SLC24A2: variants seen among roughly 807,000 people sequenced by gnomAD.
SLC24A2 encodes the protein sodium/potassium/calcium exchanger 2.
Under a neutral mutation model 62.0 loss-of-function variants are expected in SLC24A2, and 36 were observed. The ratio of observed to expected loss-of-function variants is 0.58; its 90% confidence interval spans 0.44 to 0.77. The LOEUF (loss-of-function observed/expected upper bound fraction) is 0.77, where lower values mean the gene tolerates loss of function less well. Ranked by LOEUF, SLC24A2 falls within the 30% of genes least tolerant of loss-of-function variation. SLC24A2 has a pLI of 0.00. For synonymous variants in SLC24A2, 358 were observed against 294.0 expected (o/e 1.22, Z -2.23); for missense variants, 846 against 817.9 (o/e 1.03, Z -0.42).
At chr9:19,867,737 GT>G in the SLC24A2 span, among the ~76,000 whole-genome samples, 3 of 151,984 alleles carry the variant, frequency 2.0e-5, no homozygotes, top group Non-Finnish European at 4.4e-5. Context: ...GTGAAACCCC[GT>G]CTCTACTAAA....
At chr9:19,803,208 T>C in the SLC24A2 span, among the ~76,000 whole-genome samples, 4 of 152,218 alleles carry the variant, frequency 2.6e-5, no homozygotes, top group Non-Finnish European at 5.9e-5. Flanking sequence ...TAAGAAGATA[T>C]GTACTGAAAT....
At chr9:19,833,886 G>A in the SLC24A2 span, among the ~76,000 whole-genome samples, 2 of 152,200 alleles carry the variant, frequency 1.3e-5, no homozygotes, top group African/African-American at 4.8e-5. Context: ...AACTTCCAGA[G>A]GAACAATCAG....
chr9:19,757,713 T>C (rs1169542889), intron 2 of SLC24A2, among the ~76,000 whole-genome samples: 1 of 152,182 alleles, frequency 6.6e-6, no homozygotes, highest in African/African-American at 2.4e-5. Flanking sequence ...TTCACCAAAA[T>C]TCACGTTGAA....
At chr9:19,875,494 C>T in the SLC24A2 span, among the ~76,000 whole-genome samples, 93 of 152,268 alleles carry the variant, frequency 6.1e-4, no homozygotes, top group Admixed American at 4.7e-3. Context: ...ATCAAAGCAT[C>T]AACCCAGATG....
intron 2 of SLC24A2, among the ~76,000 whole-genome samples, chr9:19,714,544 C>G (rs926084363): frequency 1.3e-5 from 2 of 152,208 alleles, no homozygotes; most frequent in African/African-American, 4.8e-5. Flanking sequence ...TACAGTCAGC[C>G]ATTTTGGCAA....
At chr9:19,696,000 C>G (rs1251387319) in intron 2 of SLC24A2, among the ~76,000 whole-genome samples, 2 of 152,116 alleles carry the variant, frequency 1.3e-5, no homozygotes, top group African/African-American at 4.8e-5. Flanking sequence ...CAGTCTGTGG[C>G]CTGTTAAGAA....
the SLC24A2 span, among the ~76,000 whole-genome samples, chr9:19,977,588 G>A: frequency 7.9e-4 from 120 of 152,276 alleles, no homozygotes; most frequent in Non-Finnish European, 1.5e-4. Flanking sequence ...ACTTGGGCGT[G>A]ACTTGCTGAA....
At chr9:20,206,744 G>A in the SLC24A2 span, among the ~76,000 whole-genome samples, 5 of 152,026 alleles carry the variant, frequency 3.3e-5, no homozygotes, top group Admixed American at 6.6e-5. Flanking sequence ...CTCCCAAAGT[G>A]CTGGGATTAC....
the SLC24A2 span, among the ~76,000 whole-genome samples, chr9:20,062,768 C>A: frequency 7.9e-6 from 1 of 126,900 alleles, no homozygotes; most frequent in Non-Finnish European, 1.6e-5. Flanking sequence ...TATCCAGAAT[C>A]TACAATGAAC....
chr9:19,792,596 T>C (rs1013472397), upstream of SLC24A2, among the ~76,000 whole-genome samples: 2 of 144,988 alleles, frequency 1.4e-5, no homozygotes, highest in Non-Finnish European at 3.0e-5. Flanking sequence ...TAATCCCAGC[T>C]ACTTGGGAGG....
the SLC24A2 span, among the ~76,000 whole-genome samples, chr9:20,250,528 A>G: frequency 6.6e-6 from 1 of 152,194 alleles, no homozygotes; most frequent in African/African-American, 2.4e-5. Context: ...CTAGACCTTG[A>G]AGAATGAAAA....
At chr9:19,993,034 T>C in the SLC24A2 span, among the ~76,000 whole-genome samples, 3 of 152,068 alleles carry the variant, frequency 2.0e-5, no homozygotes, top group Non-Finnish European at 2.9e-5. Context: ...CCTTAACCCA[T>C]AGAGAGAAGT....
At position 19,632,597 on chromosome 9, in the gene SLC24A2, T is replaced by C. The variant is rs1414610273; in HGVS notation, c.931-10298A>G. 1.3e-5 allele frequency among the ~76,000 whole-genome samples: 2 copies of C among 152,204 alleles called. No individual in the cohort carries two copies. Among genetic ancestry groups the C allele is most frequent in the Non-Finnish European group, 2.9e-5 (2 of 68,042 alleles). On this transcript the variant is annotated intron_variant, in intron 2 of 10. Coordinates refer to ENST00000341998, the MANE Select transcript of SLC24A2 (RefSeq NM_020344.4). The surrounding 1 kb of genome is among the most constrained non-coding windows in gnomAD (Gnocchi z 4.5). ...TACTGGGCTAAATGCTCATTCATAA[T>C]CTTAGGTGGCAGGTATTATTAGGAA...
intron 2 of SLC24A2, among the ~76,000 whole-genome samples, chr9:19,781,374 T>C (rs1038856553): frequency 7.3e-6 from 1 of 137,130 alleles, no homozygotes; most frequent in Non-Finnish European, 1.6e-5. Context: ...ATAGATGAAG[T>C]AGGGGAAGGT....
At chr9:20,197,563 C>T in the SLC24A2 span, among the ~76,000 whole-genome samples, 2 of 151,422 alleles carry the variant, frequency 1.3e-5, no homozygotes, top group African/African-American at 2.4e-5. Context: ...TCCCGAGTAG[C>T]TGACACTACA....
chr9:19,670,916 A>G (rs1016342546), intron 2 of SLC24A2, among the ~76,000 whole-genome samples: 9 of 152,150 alleles, frequency 5.9e-5, no homozygotes, highest in African/African-American at 2.2e-4. Context: ...ACCAGTGCCA[A>G]GACCTCAAAC....
At chr9:20,145,828 C>T in the SLC24A2 span, among the ~76,000 whole-genome samples, 1 of 151,756 alleles carries the variant, frequency 6.6e-6, no homozygotes, top group African/African-American at 2.4e-5. Flanking sequence ...ATACAAATAG[C>T]CATACATACA....
the SLC24A2 span, among the ~76,000 whole-genome samples, chr9:19,910,328 C>G: frequency 6.6e-6 from 1 of 152,128 alleles, no homozygotes; most frequent in Non-Finnish European, 1.5e-5. Flanking sequence ...TTCCGCTTCT[C>G]TCCATCTCTA....
intron 9 of SLC24A2, among the ~76,000 whole-genome samples, chr9:19,521,316 T>A (rs1406396377): frequency 6.6e-6 from 1 of 152,040 alleles, no homozygotes; most frequent in Non-Finnish European, 1.5e-5. Flanking sequence ...AGGGCTAGAG[T>A]GTAGCCTTTA....
Sources: allele counts gnomAD v4.1 joint callset (sites outside exome capture counted in the v4.1 genomes callset), GRCh38; gene constraint gnomAD v4.1.1; non-coding constraint Gnocchi (gnomAD v3.1); transcripts MANE v1.5; gene names NCBI Gene and HGNC (gene_info 2026-07-23, HGNC 2026-07-21).